The following NAALADL2 variants were observed in gnomAD, a reference collection of about 807,000 sequenced individuals.
NAALADL2 encodes inactive N-acetylated-alpha-linked acidic dipeptidase-like protein 2.
NAALADL2 carries 76 observed loss-of-function variants against 87.2 expected under a neutral mutation model. The observed-to-expected ratio is 0.87, with a 90% CI of 0.72 to 1.05. The LOEUF (loss-of-function observed/expected upper bound fraction) is 1.05, where lower values mean the gene tolerates loss of function less well. Among genes scored for constraint, NAALADL2 ranks in the 50% least tolerant of loss-of-function variants. The pLI, the probability that NAALADL2 is intolerant of heterozygous loss-of-function variation, is 0.00. For missense variants in NAALADL2, 1,089 were observed against 945.8 expected, an observed-to-expected ratio of 1.15 and a Z score of -1.99; for synonymous variants, 354 against 331.0, an observed-to-expected ratio of 1.07 and a Z score of -0.75.
At position 175,474,393 on chromosome 3, in the gene NAALADL2, A is replaced by G. The variant is rs183861241; in HGVS notation, c.1653+2635A>G. ...GCTTGATATGAAACAAAACTATAAA[A>G]TGGATGTCCTAAATCAAACACCAGT... is the stretch of plus-strand genomic sequence containing the variant. On this transcript the variant is annotated intron_variant, in intron 9 of 13. Coordinates refer to ENST00000454872, the MANE Select transcript of NAALADL2 (RefSeq NM_207015.3). 2.1e-4 allele frequency among the ~76,000 whole-genome samples: 32 copies of G among 152,302 alleles called. No individual in the cohort carries two copies. In the East Asian group the frequency reaches 5.8e-3, roughly 28 times the overall value.
chr3:175,104,255 C>A (rs530329317), intron 2 of NAALADL2, among the ~76,000 whole-genome samples: 1 of 152,114 alleles, frequency 6.6e-6, no homozygotes, highest in Non-Finnish European at 1.5e-5. Flanking sequence ...ATGAGGGAGG[C>A]GAGGTAGTCC....
chr3:175,522,921 A>C (rs1380949646), intron 9 of NAALADL2, among the ~76,000 whole-genome samples: 3 of 152,218 alleles, frequency 2.0e-5, no homozygotes, highest in Non-Finnish European at 4.4e-5. Context: ...GTTCAATTGC[A>C]AGAAATAAAC....
At chr3:174,524,655 C>G (rs1435098648) in intron 1 of NAALADL2, among the ~76,000 whole-genome samples, 1 of 151,824 alleles carries the variant, frequency 6.6e-6, no homozygotes, top group Non-Finnish European at 1.5e-5. Flanking sequence ...AGCCATCCTC[C>G]CACCTCAGCC....
chr3:175,699,204 T>C (rs116810642), intron 11 of NAALADL2, among the ~76,000 whole-genome samples: 7,425 of 152,054 alleles, frequency 0.049, 233 homozygotes, highest in South Asian at 0.13. Context: ...AATCCATTAG[T>C]TTATAAGCTC....
intron 2 of NAALADL2, among the ~76,000 whole-genome samples, chr3:175,147,213 G>T (rs866154406): frequency 6.6e-6 from 1 of 152,078 alleles, no homozygotes; most frequent in African/African-American, 2.4e-5. Flanking sequence ...GTACCCAATA[G>T]GTAGTTTTCA....
At chr3:174,715,605 A>G (rs752922449) in intron 2 of NAALADL2, among the ~76,000 whole-genome samples, 8 of 152,204 alleles carry the variant, frequency 5.3e-5, no homozygotes, top group African/African-American at 1.4e-4. Flanking sequence ...TTTACAGCCA[A>G]TAATCAGCAA....
chr3:175,325,372 A>G (rs1213378673), intron 5 of NAALADL2, among the ~76,000 whole-genome samples: 1 of 152,060 alleles, frequency 6.6e-6, no homozygotes, highest in Non-Finnish European at 1.5e-5. Context: ...ATCCATGTAA[A>G]TTTTCTCTGG....
chr3:174,862,029 C>G (rs866355845), intron 1 of NAALADL2, among the ~76,000 whole-genome samples: 1 of 151,820 alleles, frequency 6.6e-6, no homozygotes, highest in Non-Finnish European at 1.5e-5. Flanking sequence ...GTAACCCCAG[C>G]GGAGAATTGT....
chr3:175,357,366 T>C (rs1019207761), intron 5 of NAALADL2, among the ~76,000 whole-genome samples: 4 of 152,194 alleles, frequency 2.6e-5, no homozygotes, highest in Non-Finnish European at 5.9e-5. Context: ...GTTTTATTCA[T>C]AGGAAAATCA....
chr3:174,809,248 A>G (rs1303814862), intron 3 of NAALADL2, among the ~76,000 whole-genome samples: 1 of 152,162 alleles, frequency 6.6e-6, no homozygotes. Flanking sequence ...CAGGCTCCAT[A>G]TGCTTTGGAG....
intron 2 of NAALADL2, among the ~76,000 whole-genome samples, chr3:174,563,249 T>C (rs1234871913): frequency 6.6e-6 from 1 of 151,702 alleles, no homozygotes; most frequent in Non-Finnish European, 1.5e-5. Flanking sequence ...TTTAGCATGT[T>C]TATTTCTTCT....
chr3:174,545,002 T>G (rs1424986909), intron 1 of NAALADL2, among the ~76,000 whole-genome samples: 1 of 152,034 alleles, frequency 6.6e-6, no homozygotes, highest in Non-Finnish European at 1.5e-5. Flanking sequence ...CAGCCTCCCA[T>G]GTTTCCAGGA....
chr3:175,636,132 A>G (rs774979397), intron 11 of NAALADL2, among the ~76,000 whole-genome samples: 4 of 151,970 alleles, frequency 2.6e-5, no homozygotes, highest in Admixed American at 6.6e-5. Flanking sequence ...GGGCTAATTA[A>G]TGGCACCGAT....
chr3:174,792,891 A>G (rs1224056141), intron 3 of NAALADL2, among the ~76,000 whole-genome samples: 1 of 152,172 alleles, frequency 6.6e-6, no homozygotes, highest in Non-Finnish European at 1.5e-5. Flanking sequence ...TCTAGAATGT[A>G]AATATGTTTC....
intron 2 of NAALADL2, among the ~76,000 whole-genome samples, chr3:174,618,799 A>G (rs1720727626): frequency 6.6e-6 from 1 of 151,916 alleles, no homozygotes; most frequent in South Asian, 2.1e-4. Flanking sequence ...TAATTTTATA[A>G]GTGTTATTTT....
At chr3:175,033,756 T>C (rs1344153867) in intron 1 of NAALADL2, among the ~76,000 whole-genome samples, 1 of 152,132 alleles carries the variant, frequency 6.6e-6, no homozygotes, top group Non-Finnish European at 1.5e-5. Context: ...AACTCTTTCT[T>C]CTCCCTTTAC....
chr3:175,310,100 AT>A (rs1342869638), intron 4 of NAALADL2, among the ~76,000 whole-genome samples: 1 of 152,202 alleles, frequency 6.6e-6, no homozygotes, highest in Non-Finnish European at 1.5e-5. Context: ...TTATGATAAA[AT>A]TTCCAAAGTG....
In NAALADL2 at chr3:175,259,476, G is replaced by A. The variant is rs1178410831; in HGVS notation, c.939+2946G>A. On this transcript the variant is annotated intron_variant, in intron 4 of 13. Coordinates refer to ENST00000454872, the MANE Select transcript of NAALADL2 (RefSeq NM_207015.3). ...TCCAACTTTTTATGTAGGTGTTTCA[G>A]GAAAAATGAACCTCTAGGGATACTT... is the stretch of plus-strand genomic sequence containing the variant. Among the ~76,000 whole-genome samples, 5 of 152,196 alleles carry A rather than the reference G, an allele frequency of 3.3e-5. No individual in the cohort carries two copies. The East Asian group carries it at 7.7e-4, about 24-fold the overall frequency.
At chr3:174,705,151 C>T (rs1729934481) in intron 2 of NAALADL2, among the ~76,000 whole-genome samples, 1 of 152,130 alleles carries the variant, frequency 6.6e-6, no homozygotes, top group Non-Finnish European at 1.5e-5. Flanking sequence ...TCACAGGGCA[C>T]ACTCACACAC....
Sources: allele counts gnomAD v4.1 joint callset (sites outside exome capture counted in the v4.1 genomes callset), GRCh38; gene constraint gnomAD v4.1.1; transcripts MANE v1.5; gene names NCBI Gene and HGNC (gene_info 2026-07-23, HGNC 2026-07-21).